The following CNTN6 variants were observed in gnomAD, a reference collection of about 807,000 sequenced individuals.
The protein encoded by CNTN6 is contactin 6, also known as contactin-6.
In CNTN6, 137 loss-of-function variants were observed where a neutral mutation model predicts 122.8. That is an observed-to-expected ratio of 1.12 (90% CI 0.97 to 1.29). CNTN6 has a LOEUF of 1.29. CNTN6 is among the 50% of genes most tolerant of loss of function. The pLI, the probability that CNTN6 is intolerant of heterozygous loss-of-function variation, is 0.00. For missense variants in CNTN6, 1,634 were observed against 1,223.4 expected, an observed-to-expected ratio of 1.34 and a Z score of -5.01; for synonymous variants, 570 against 426.0, an observed-to-expected ratio of 1.34 and a Z score of -4.16.
chr3:1,154,566 C>T (rs2092920993), intron 2 of CNTN6, among the ~76,000 whole-genome samples: 2 of 151,902 alleles, frequency 1.3e-5, no homozygotes, highest in South Asian at 4.1e-4. Context: ...GCCTCAGCCT[C>T]CCAAGTAGCT....
At chr3:1,193,002 C>T (rs1346211295) in intron 2 of CNTN6, among the ~76,000 whole-genome samples, 2 of 152,130 alleles carry the variant, frequency 1.3e-5, no homozygotes, top group Non-Finnish European at 2.9e-5. Flanking sequence ...ACGTAGCCCA[C>T]TCCTTCTCAC....
intron 2 of CNTN6, among the ~76,000 whole-genome samples, chr3:1,197,842 T>C (rs2093800690): frequency 6.6e-6 from 1 of 152,218 alleles, no homozygotes; most frequent in Non-Finnish European, 1.5e-5. Context: ...TCTCAAAGTC[T>C]GCTCTATTAC....
Position 1,329,934 on chromosome 3 carries a change from A to C in CNTN6, c.1363A>C (p.Arg455=). 6.5e-7 allele frequency: 1 copy of C among 1,542,112 alleles called. No individual in the cohort carries two copies. The highest frequency in any genetic ancestry group is 8.7e-7 in the Non-Finnish European group (1 of 1,151,394). ...AACGGAGACCCTTAGACAAAGCAAA[A>C]GGTAAACAAATCTTTATTTTTAAAA... is the stretch of plus-strand genomic sequence containing the variant. ...RGTETLRQSK[R]IFLLEDGSLK... The change falls in exon 11 of 23, where the codon AGA becomes CGA. Residue 455 remains arginine (R), a splice_region_variant and synonymous_variant. Transcript: ENST00000446702.
chr3:1,388,037 G>T (rs182057561), intron 20 of CNTN6, among the ~76,000 whole-genome samples: 1 of 151,574 alleles, frequency 6.6e-6, no homozygotes, highest in Non-Finnish European at 1.5e-5. Context: ...CAGCCAGGAA[G>T]CTCCAACTGG....
At chr3:1,362,358 G>A (rs964733379) in intron 12 of CNTN6, among the ~76,000 whole-genome samples, 6 of 152,008 alleles carry the variant, frequency 3.9e-5, no homozygotes, top group Admixed American at 3.9e-4. Flanking sequence ...AGGTCACAGC[G>A]ATAGAAATAT....
Position 1,372,437 on chromosome 3 carries a change from TAAAA to T in CNTN6, c.1635_1638del (p.Lys546GlufsTer16). The T allele has an allele frequency of 6.2e-7, 1 of 1,611,406 alleles. No individual in the cohort carries two copies. Among genetic ancestry groups the T allele is most frequent in the South Asian group, 1.1e-5 (1 of 90,546 alleles). ...TTTTTCAATGGAGATGTCATAGACT[TAAAA>T]AAAGGAGTGGCTCATTTTGAAAGGA... On this transcript the variant is annotated frameshift_variant, in exon 13 of 23. Transcript: ENST00000446702. LOFTEE classifies it high-confidence loss of function.
intron 11 of CNTN6, among the ~76,000 whole-genome samples, chr3:1,350,463 G>A (rs954447579): frequency 6.6e-6 from 1 of 151,806 alleles, no homozygotes; most frequent in Non-Finnish European, 1.5e-5. Context: ...TTCTTAGTTT[G>A]CTCTCTCAGT....
At chr3:1,172,615 A>ACTCTCTCTCT (rs148092428) in intron 2 of CNTN6, among the ~76,000 whole-genome samples, 24 of 76,818 alleles carry the variant, frequency 3.1e-4, no homozygotes, top group African/African-American at 1.4e-3. Context: ...GTCTGCAATA[A>ACTCTCTCTCT]CTCTCTGTGT....
intron 1 of CNTN6, among the ~76,000 whole-genome samples, chr3:1,106,887 TAATAAC>T (rs985873437): frequency 6.6e-6 from 1 of 152,110 alleles, no homozygotes; most frequent in Non-Finnish European, 1.5e-5. Context: ...TCAATAATAA[TAATAAC>T]AATAAAACAG....
chr3:1,264,171 GATC>G (rs1206303952), intron 4 of CNTN6, among the ~76,000 whole-genome samples: 1 of 152,076 alleles, frequency 6.6e-6, no homozygotes, highest in Non-Finnish European at 1.5e-5. Flanking sequence ...TGGGTTGACT[GATC>G]ATTAATCAAA....
intron 7 of CNTN6, among the ~76,000 whole-genome samples, chr3:1,310,525 G>C (rs1371852260): frequency 6.6e-6 from 1 of 152,080 alleles, no homozygotes. Context: ...GCTAATATTT[G>C]TTGAGGATTT....
chr3:1,353,409 G>A (rs1439273505), intron 12 of CNTN6, among the ~76,000 whole-genome samples: 2 of 151,632 alleles, frequency 1.3e-5, no homozygotes, highest in African/African-American at 2.4e-5. Flanking sequence ...AGATATTTCT[G>A]CCAACTTGTC....
intron 12 of CNTN6, among the ~76,000 whole-genome samples, chr3:1,362,849 AG>A (rs1707666627): frequency 6.6e-6 from 1 of 151,828 alleles, no homozygotes. Context: ...AGGAAAGCCT[AG>A]CTAAGCACAC....
At chr3:1,174,741 AG>A (rs1405677569) in intron 2 of CNTN6, among the ~76,000 whole-genome samples, 1 of 152,224 alleles carries the variant, frequency 6.6e-6, no homozygotes, top group Non-Finnish European at 1.5e-5. Context: ...GCTGACACAT[AG>A]GAAGAACCCA....
chr3:1,327,624 C>T lies in CNTN6; in HGVS notation c.1213+38C>T, dbSNP rs372760799. ...TTTACAACCAACAAATTCAAAATGA[C>T]GTTTTAACAAGCTATAATTATGCAT... On this transcript the variant is annotated intron_variant, in intron 10 of 22. Transcript: ENST00000446702. 157 of 1,597,332 alleles carry T rather than the reference C, an allele frequency of 9.8e-5. 1 individual carries two copies. The highest frequency in any genetic ancestry group is 1.3e-4 in the Non-Finnish European group (149 of 1,170,518).
intron 2 of CNTN6, among the ~76,000 whole-genome samples, chr3:1,158,877 C>A (rs372542085): frequency 9.0e-6 from 1 of 110,600 alleles, no homozygotes; most frequent in Non-Finnish European, 1.7e-5. Flanking sequence ...CATATATATA[C>A]ACATATATAC....
At chr3:1,142,800 T>C (rs971069979) in intron 1 of CNTN6, among the ~76,000 whole-genome samples, 1 of 152,012 alleles carries the variant, frequency 6.6e-6, no homozygotes, top group Non-Finnish European at 1.5e-5. Context: ...TATGGTTTCC[T>C]GACCCTTGTT....
chr3:1,330,546 G>A (rs955902931), intron 11 of CNTN6, among the ~76,000 whole-genome samples: 17 of 151,786 alleles, frequency 1.1e-4, no homozygotes, highest in Non-Finnish European at 2.1e-4. Context: ...CTATTGTACC[G>A]TAGAGCCTTG....
Position 1,126,740 on chromosome 3 carries a change from G to T in CNTN6, c.-82-21187G>T, listed in dbSNP as rs189512830. ...TTATTGACTGGAAACAATGTCTTGAGCCAAGCCTGAAGAGAAGAGAAAGTC... is the reference window on the plus strand; with the variant it reads ...TTATTGACTGGAAACAATGTCTTGATCCAAGCCTGAAGAGAAGAGAAAGTC... On this transcript the variant is annotated intron_variant, in intron 1 of 22. Transcript: ENST00000446702. Among the ~76,000 whole-genome samples, 76 of 151,972 alleles carry T rather than the reference G, an allele frequency of 5.0e-4. No individual in the cohort carries two copies. The East Asian group carries it at 0.011, about 21-fold the overall frequency.
Sources: gnomAD v4.1 joint callset for allele counts (sites outside exome capture counted in the v4.1 genomes callset) on GRCh38, gnomAD v4.1.1 for gene constraint, MANE v1.5 for transcripts, NCBI Gene and HGNC (gene_info 2026-07-23, HGNC 2026-07-21) for gene names.